Variants in SHISA9 observed in about 807,000 individuals in gnomAD.
SHISA9 encodes the protein shisa family member 9.
A neutral mutation model predicts 38.0 loss-of-function variants in SHISA9; 13 were observed. The ratio of observed to expected loss-of-function variants is 0.34; its 90% CI spans 0.22 to 0.54. The LOEUF (loss-of-function observed/expected upper bound fraction) is 0.54, where lower values mean the gene tolerates loss of function less well. SHISA9 is among the 20% of genes least tolerant of loss of function. The probability of loss-of-function intolerance (pLI) is 0.91; values close to 1 mark genes in which losing one functional copy is unlikely to be tolerated. For missense variants in SHISA9, 538 were observed against 575.8 expected, an observed-to-expected ratio of 0.93 and a Z score of 0.67; for synonymous variants, 275 against 242.0, an observed-to-expected ratio of 1.14 and a Z score of -1.27.
At chr16:13,492,628 C>G in the SHISA9 span, among the ~76,000 whole-genome samples, 4 of 152,174 alleles carry the variant, frequency 2.6e-5, no homozygotes, top group African/African-American at 9.7e-5. Context: ...ACCACTGTAT[C>G]CACAGTATCT....
intron 2 of SHISA9, among the ~76,000 whole-genome samples, chr16:13,158,368 G>A: frequency 6.6e-6 from 1 of 152,158 alleles, no homozygotes; most frequent in East Asian, 1.9e-4. Flanking sequence ...TTAAAAGGAA[G>A]TTCATAGAAT....
chr16:13,092,680 G>A (rs2073787210), intron 2 of SHISA9, among the ~76,000 whole-genome samples: 1 of 152,232 alleles, frequency 6.6e-6, no homozygotes, highest in Non-Finnish European at 1.5e-5. Context: ...CTTGGGAAAA[G>A]CACAGTATTT....
intron 2 of SHISA9, among the ~76,000 whole-genome samples, chr16:13,162,703 G>C (rs1158609631): frequency 1.3e-5 from 2 of 152,130 alleles, no homozygotes; most frequent in Non-Finnish European, 2.9e-5. Flanking sequence ...TTATCAAACA[G>C]GTGTATGGAT....
At chr16:13,497,796 T>C in the SHISA9 span, among the ~76,000 whole-genome samples, 1 of 150,368 alleles carries the variant, frequency 6.7e-6, no homozygotes. Context: ...ACATGAAACA[T>C]AAAAGATGCA....
At chr16:13,209,821 G>C (rs960261892) in intron 3 of SHISA9, among the ~76,000 whole-genome samples, 2 of 152,184 alleles carry the variant, frequency 1.3e-5, no homozygotes, top group African/African-American at 4.8e-5. Flanking sequence ...ATATCCCTAG[G>C]CCGGGTGCAG....
the SHISA9 span, among the ~76,000 whole-genome samples, chr16:13,462,514 TC>T: frequency 6.6e-6 from 1 of 152,018 alleles, no homozygotes; most frequent in African/African-American, 2.4e-5. Flanking sequence ...TCTGGGACCA[TC>T]TAAGGTACAG....
chr16:12,982,436 G>T (rs2072251337), intron 2 of SHISA9, among the ~76,000 whole-genome samples: 1 of 152,182 alleles, frequency 6.6e-6, no homozygotes, highest in Non-Finnish European at 1.5e-5. Flanking sequence ...TCAAGTAAAT[G>T]ATTACACTTC....
chr16:13,125,623 C>T (rs1430651300), intron 2 of SHISA9, among the ~76,000 whole-genome samples: 1 of 152,204 alleles, frequency 6.6e-6, no homozygotes, highest in Non-Finnish European at 1.5e-5. Flanking sequence ...ATGTAGGTTA[C>T]ACTATCCACT....
At chr16:12,998,009 A>T (rs1344904957) in intron 2 of SHISA9, among the ~76,000 whole-genome samples, 1 of 152,208 alleles carries the variant, frequency 6.6e-6, no homozygotes, top group African/African-American at 2.4e-5. Context: ...TTTCCACCAG[A>T]AGAGAAAACT....
intron 2 of SHISA9, among the ~76,000 whole-genome samples, chr16:12,964,338 C>G (rs939487581): frequency 8.6e-5 from 13 of 150,544 alleles, no homozygotes; most frequent in African/African-American, 3.2e-4. Context: ...CAGAGGTGTA[C>G]AAACCACAGG....
intron 2 of SHISA9, among the ~76,000 whole-genome samples, chr16:12,973,225 C>A (rs2072108809): frequency 6.6e-6 from 1 of 152,206 alleles, no homozygotes; most frequent in Non-Finnish European, 1.5e-5. Context: ...GCAGCTGAAT[C>A]CCATATTCAC....
intron 2 of SHISA9, among the ~76,000 whole-genome samples, chr16:13,117,058 C>T (rs1448469841): frequency 2.0e-5 from 3 of 152,256 alleles, no homozygotes; most frequent in Admixed American, 6.5e-5. Flanking sequence ...CTGCAACCTC[C>T]ACCTCCCAGG....
chr16:12,992,616 G>A (rs1185004407), intron 2 of SHISA9, among the ~76,000 whole-genome samples: 1 of 152,096 alleles, frequency 6.6e-6, no homozygotes, highest in Non-Finnish European at 1.5e-5. Context: ...CCAGAATCTG[G>A]TCTAGATTCC....
the SHISA9 span, among the ~76,000 whole-genome samples, chr16:13,400,837 G>C: frequency 6.6e-6 from 1 of 152,240 alleles, no homozygotes; most frequent in Non-Finnish European, 1.5e-5. Context: ...CAGGGAGGAA[G>C]CTTCTTCCTT....
At chr16:13,069,723 A>G (rs1174153411) in intron 2 of SHISA9, among the ~76,000 whole-genome samples, 1 of 151,866 alleles carries the variant, frequency 6.6e-6, no homozygotes, top group East Asian at 1.9e-4. Context: ...TATGTCTTGA[A>G]ACTTAATCTC....
chr16:12,985,146 G>C (rs2072290195), intron 2 of SHISA9, among the ~76,000 whole-genome samples: 1 of 151,962 alleles, frequency 6.6e-6, no homozygotes, highest in East Asian at 1.9e-4. Flanking sequence ...TCCATCAAAA[G>C]GAGGTGGTGT....
chr16:13,218,541 G>A (rs1401057692), intron 4 of SHISA9, among the ~76,000 whole-genome samples: 2 of 152,202 alleles, frequency 1.3e-5, no homozygotes, highest in Admixed American at 1.3e-4. Context: ...TGTTGGGTTT[G>A]GTTTCTTGCT....
At chr16:13,437,654 T>C in the SHISA9 span, among the ~76,000 whole-genome samples, 1 of 152,052 alleles carries the variant, frequency 6.6e-6, no homozygotes, top group Non-Finnish European at 1.5e-5. Flanking sequence ...CAATTCCCTC[T>C]GCTGTGAACT....
the SHISA9 span, among the ~76,000 whole-genome samples, chr16:13,294,520 G>A: frequency 2.0e-5 from 3 of 152,166 alleles, no homozygotes; most frequent in Non-Finnish European, 4.4e-5. Context: ...CAAAACCAGT[G>A]CATCAATTCT....
Sources: allele counts gnomAD v4.1 joint callset (sites outside exome capture counted in the v4.1 genomes callset), GRCh38; gene constraint gnomAD v4.1.1; transcripts MANE v1.5; gene names NCBI Gene and HGNC (gene_info 2026-07-23, HGNC 2026-07-21).